The following DAB1 variants were observed in gnomAD, a reference collection of about 807,000 sequenced individuals.
DAB1 encodes DAB adaptor protein 1.
In DAB1, 15 loss-of-function variants were observed where a neutral mutation model predicts 64.6. The ratio of observed to expected loss-of-function variants is 0.23; its 90% confidence interval spans 0.16 to 0.36. The LOEUF (loss-of-function observed/expected upper bound fraction) is 0.36, where lower values mean the gene tolerates loss of function less well. DAB1 is among the 10% of genes least tolerant of loss of function. The pLI, the probability that DAB1 is intolerant of heterozygous loss-of-function variation, is 1.00. For missense variants in DAB1, 596 were observed against 706.7 expected, an observed-to-expected ratio of 0.84 and a Z score of 1.78; for synonymous variants, 235 against 251.9, an observed-to-expected ratio of 0.93 and a Z score of 0.64.
intron 7 of DAB1, among the ~76,000 whole-genome samples, chr1:57,475,107 A>G (rs767114554): frequency 6.6e-6 from 1 of 152,260 alleles, no homozygotes; most frequent in South Asian, 2.1e-4. Context: ...TAAAAATACA[A>G]AAATTAGCCA....
At chr1:58,188,405 A>G (rs1380107817) in intron 4 of DAB1, among the ~76,000 whole-genome samples, 2 of 152,218 alleles carry the variant, frequency 1.3e-5, no homozygotes, top group East Asian at 1.9e-4. Context: ...TTCACAACAT[A>G]TTCTATTAAT....
intron 1 of DAB1, among the ~76,000 whole-genome samples, chr1:57,404,712 C>G (rs1472428406): frequency 6.6e-6 from 1 of 152,158 alleles, no homozygotes; most frequent in Non-Finnish European, 1.5e-5. Context: ...CAGGAGACTG[C>G]TATATGCAAT....
chr1:57,622,527 C>T (rs1357485142), intron 7 of DAB1, among the ~76,000 whole-genome samples: 2 of 152,210 alleles, frequency 1.3e-5, no homozygotes, highest in East Asian at 1.9e-4. Flanking sequence ...GTATTCACCA[C>T]ATTTTAGTGT....
intron 6 of DAB1, among the ~76,000 whole-genome samples, chr1:57,717,374 T>G (rs114985148): frequency 6.6e-6 from 1 of 151,640 alleles, no homozygotes; most frequent in Non-Finnish European, 1.5e-5. Context: ...TGAGATATCA[T>G]CTCATCCCAG....
chr1:57,916,875 G>A lies in DAB1; in HGVS notation n.388-32713C>T, dbSNP rs145688553. On this transcript the variant is annotated intron_variant and non_coding_transcript_variant, in intron 5 of 20. Transcript: ENST00000485760. The stretch of plus-strand genomic sequence containing the variant: ...GGAGAACTGCTTGAACCTGGGAGGC[G>A]GAGATTGCAGTGAGCCAAGATCGCG... 6.8e-3 allele frequency among the ~76,000 whole-genome samples: 1,033 copies of A among 152,124 alleles called. 11 individuals carry two copies. The highest frequency in any genetic ancestry group is 0.024 in the African/African-American group (990 of 41,508).
chr1:57,162,183 G>A (rs1354207563), intron 2 of DAB1, among the ~76,000 whole-genome samples: 1 of 152,176 alleles, frequency 6.6e-6, no homozygotes, highest in Admixed American at 6.5e-5. Context: ...CCTTTCTTCT[G>A]CACCAGAAAA....
At chr1:58,340,536 A>G (rs190933096) in intron 4 of DAB1, among the ~76,000 whole-genome samples, 1 of 152,318 alleles carries the variant, frequency 6.6e-6, no homozygotes, top group East Asian at 1.9e-4. Context: ...AGGGACTGCC[A>G]CTGTGTTAAG....
chr1:57,813,794 GA>G (rs1335541509), intron 6 of DAB1, among the ~76,000 whole-genome samples: 2 of 152,204 alleles, frequency 1.3e-5, no homozygotes, highest in Non-Finnish European at 2.9e-5. Context: ...TCGAAGATGG[GA>G]ATTTATTGCA....
intron 7 of DAB1, among the ~76,000 whole-genome samples, chr1:57,528,635 A>AT (rs1644621239): frequency 1.2e-5 from 1 of 81,602 alleles, no homozygotes; most frequent in Non-Finnish European, 2.4e-5. Context: ...TAAAAGCAGC[A>AT]GGACACACAC....
chr1:57,529,849 T>C (rs1471281689), intron 7 of DAB1, among the ~76,000 whole-genome samples: 1 of 152,188 alleles, frequency 6.6e-6, no homozygotes, highest in Non-Finnish European at 1.5e-5. Context: ...AAAATAATTC[T>C]ATAGATCAAT....
At chr1:57,937,676 G>GA (rs1645046606) in intron 5 of DAB1, among the ~76,000 whole-genome samples, 1 of 152,106 alleles carries the variant, frequency 6.6e-6, no homozygotes, top group Non-Finnish European at 1.5e-5. Context: ...ATCCCCAACT[G>GA]AAAAAAATAA....
At chr1:58,103,623 C>T (rs1257978836) in intron 5 of DAB1, among the ~76,000 whole-genome samples, 3 of 152,160 alleles carry the variant, frequency 2.0e-5, no homozygotes, top group African/African-American at 4.8e-5. Flanking sequence ...TTTGATAATG[C>T]GTTCATTCTG....
chr1:58,427,167 T>C (rs1417984), intron 3 of DAB1, among the ~76,000 whole-genome samples: 67,035 of 151,394 alleles, frequency 0.44, 15,281 homozygotes, highest in Middle Eastern at 0.51. Flanking sequence ...TGGTTAGGGT[T>C]ATGCAAGTAA....
At chr1:58,167,594 G>A (rs1570439289) in intron 4 of DAB1, among the ~76,000 whole-genome samples, 1 of 152,186 alleles carries the variant, frequency 6.6e-6, no homozygotes, top group African/African-American at 2.4e-5. Context: ...CCCCTTCCAC[G>A]CTATGGAAGC....
chr1:57,390,646 G>A (rs1284984066), intron 1 of DAB1, among the ~76,000 whole-genome samples: 1 of 152,084 alleles, frequency 6.6e-6, no homozygotes, highest in Non-Finnish European at 1.5e-5. Context: ...CCCTTCAAAG[G>A]GGCCTATAAA....
intron 7 of DAB1, among the ~76,000 whole-genome samples, chr1:57,506,186 A>C (rs888881677): frequency 2.0e-5 from 3 of 152,198 alleles, no homozygotes; most frequent in African/African-American, 7.2e-5. Context: ...TGCATTGTTA[A>C]GAAATAAAAG....
chr1:57,182,937 A>G (rs1008437075), intron 2 of DAB1, among the ~76,000 whole-genome samples: 2 of 152,118 alleles, frequency 1.3e-5, no homozygotes, highest in African/African-American at 2.4e-5. Flanking sequence ...TTTTAAATTG[A>G]TTGTTCAGTC....
intron 7 of DAB1, among the ~76,000 whole-genome samples, chr1:57,455,212 G>C (rs1359942643): frequency 1.3e-5 from 2 of 152,182 alleles, no homozygotes; most frequent in Non-Finnish European, 2.9e-5. Context: ...GTTCCTAGGG[G>C]TAGCAGGGAT....
chr1:58,105,959 C>T (rs888266206), intron 5 of DAB1, among the ~76,000 whole-genome samples: 1 of 152,302 alleles, frequency 6.6e-6, no homozygotes, highest in Admixed American at 6.5e-5. Context: ...ACTGGGAATA[C>T]AGAAATGGCT....
Sources: allele counts gnomAD v4.1 joint callset (sites outside exome capture counted in the v4.1 genomes callset), GRCh38; gene constraint gnomAD v4.1.1; transcripts MANE v1.5; gene names NCBI Gene and HGNC (gene_info 2026-07-23, HGNC 2026-07-21).